SLC2A12: variants seen among roughly 807,000 people sequenced by gnomAD.
The protein encoded by SLC2A12 is solute carrier family 2, facilitated glucose transporter member 12.
Under a neutral mutation model 41.8 loss-of-function variants are expected in SLC2A12, and 23 were observed. The observed-to-expected ratio is 0.55, with a 90% CI of 0.40 to 0.78. The LOEUF (loss-of-function observed/expected upper bound fraction) is 0.78, where lower values mean the gene tolerates loss of function less well. Among genes scored for constraint, SLC2A12 ranks in the 30% least tolerant of loss-of-function variants. SLC2A12 has a pLI of 0.00. For synonymous variants in SLC2A12, 295 were observed against 285.9 expected (o/e 1.03, Z -0.32); for missense variants, 654 against 745.6 (o/e 0.88, Z 1.43).
chr6:134,051,945 G>A (rs891841753), intron 1 of SLC2A12, among the ~76,000 whole-genome samples: 5 of 152,154 alleles, frequency 3.3e-5, no homozygotes, highest in Non-Finnish European at 7.4e-5. Context: ...TGGTTACACA[G>A]TGTCCATTTG....
At chr6:134,038,968 G>A (rs1777344539) in intron 1 of SLC2A12, among the ~76,000 whole-genome samples, 1 of 152,054 alleles carries the variant, frequency 6.6e-6, no homozygotes, top group Non-Finnish European at 1.5e-5. Context: ...GCCTCCCAAA[G>A]TGCTGGGATT....
intron 1 of SLC2A12, 105 bp downstream of exon 1, chr6:134,052,273 A>ACACACACC (rs1773698846): frequency 1.2e-6 from 1 of 867,752 alleles, no homozygotes; most frequent in Admixed American, 2.3e-5. Flanking sequence ...ACACACACAC[A>ACACACACC]CACACACACA....
At chr6:134,027,814 C>A (rs1366885327) in intron 2 of SLC2A12, among the ~76,000 whole-genome samples, 10 of 152,164 alleles carry the variant, frequency 6.6e-5, no homozygotes, top group Non-Finnish European at 1.5e-4. Flanking sequence ...TGAATGATAG[C>A]AACTAGACTT....
At chr6:134,043,863 C>T (rs966022694) in intron 1 of SLC2A12, among the ~76,000 whole-genome samples, 1 of 151,320 alleles carries the variant, frequency 6.6e-6, no homozygotes, top group Admixed American at 6.6e-5. Context: ...CCCAAGAATT[C>T]CTGTTTTCAT....
At position 133,989,233 on chromosome 6, in the gene SLC2A12, G is replaced by A. The variant is rs573479215; in HGVS notation, c.*1922C>T. 3 of 152,094 alleles carry A rather than the reference G, an allele frequency of 2.0e-5. No individual in the cohort carries two copies. The highest frequency in any genetic ancestry group is 3.8e-4 in the East Asian group (2 of 5,196). 9.4% of individuals were successfully genotyped at this position (152,094 alleles called of 1,614,324 possible). On this transcript the variant is annotated 3_prime_UTR_variant, in exon 5 of 5. Transcript: ENST00000275230. ...AACTGTGAATATATATGTACAAGTT[G>A]TAAGTATTTCCCCCTTTTTATTTTT...
Position 134,028,790 on chromosome 6 carries a change from T to A in SLC2A12, c.1035A>T (p.Thr345=), listed in dbSNP as rs199609819. ...TCACAGAGGAGCCAATGCAGAGGAA[T>A]GTTTTGCTGCCGACATGGTCTACAA... The part of the protein sequence containing the change: ...TLLVDHVGSK[T]FLCIGSSVMA... The change falls in exon 2 of 5, where the codon ACA becomes ACT. Residue 345 remains threonine, a synonymous_variant. Coordinates refer to ENST00000275230, the MANE Select transcript of SLC2A12 (RefSeq NM_145176.3). The A allele has an allele frequency of 6.2e-7, 1 of 1,614,164 alleles. No homozygotes were observed. Among genetic ancestry groups the A allele is most frequent in the African/African-American group, 1.3e-5 (1 of 75,034 alleles).
chr6:134,012,510 C>G lies in SLC2A12; in HGVS notation c.1445-5576G>C, dbSNP rs182637201. On this transcript the variant is annotated intron_variant, in intron 2 of 4. Coordinates refer to ENST00000275230, the MANE Select transcript of SLC2A12 (RefSeq NM_145176.3). ...CTATTTTCTTTAATTTATAAGCCAA[C>G]AGCTAACATTTTTTCACCATAAATT... is the stretch of plus-strand genomic sequence containing the variant. Among the ~76,000 whole-genome samples the G allele has an allele frequency of 5.3e-5, 8 of 152,310 alleles. No individual in the cohort carries two copies. The East Asian group carries it at 1.3e-3, about 26-fold the overall frequency.
chr6:134,015,538 A>G (rs1310085611), intron 2 of SLC2A12, among the ~76,000 whole-genome samples: 1 of 152,224 alleles, frequency 6.6e-6, no homozygotes, highest in Non-Finnish European at 1.5e-5. Flanking sequence ...AATGTCTGAA[A>G]TTGCCTTTTC....
chr6:134,012,311 T>C (rs1270763660), intron 2 of SLC2A12, among the ~76,000 whole-genome samples: 1 of 152,142 alleles, frequency 6.6e-6, no homozygotes, highest in East Asian at 1.9e-4. Context: ...CCAACTGAAA[T>C]GATTTTTCAA....
At chr6:134,001,743 C>A in intron 4 of SLC2A12, among the ~76,000 whole-genome samples, 1 of 148,546 alleles carries the variant, frequency 6.7e-6, no homozygotes, top group Admixed American at 6.7e-5. Flanking sequence ...CAAATACATT[C>A]ACTTTGTAGT....
intron 3 of SLC2A12, among the ~76,000 whole-genome samples, chr6:134,005,896 C>T (rs374619727): frequency 2.4e-4 from 36 of 151,870 alleles, no homozygotes; most frequent in South Asian, 4.2e-4. Context: ...GAGGGCTAGG[C>T]GTGGTGGCTC....
rs1312448310 is a variant in SLC2A12, at chr6:133,987,644, G to GTATATATA, written c.*3510_*3511insTATATATA. The GTATATATA allele has an allele frequency of 3.9e-5, 5 of 128,680 alleles. No homozygotes were observed. Among genetic ancestry groups the GTATATATA allele is most frequent in the African/African-American group, 1.6e-4 (5 of 31,208 alleles). 8.0% of individuals were successfully genotyped at this position (128,680 alleles called of 1,614,324 possible). A position where few individuals can be genotyped will look rare whatever the true frequency, so the allele number is the denominator to read the frequency against. On this transcript the variant is annotated 3_prime_UTR_variant, in exon 5 of 5. Transcript: ENST00000275230. ...GTATTTTGTGTGTGTGTGTGTGTGT[G>GTATATATA]TGTGTATATATATATATATATATGC...
intron 2 of SLC2A12, among the ~76,000 whole-genome samples, chr6:134,015,403 C>T (rs1053008386): frequency 2.6e-5 from 4 of 152,060 alleles, no homozygotes; most frequent in South Asian, 2.1e-4. Flanking sequence ...GTGCAGCAAA[C>T]GACCATGGCA....
Position 133,991,093 on chromosome 6 carries a change from T to G in SLC2A12, c.*62A>C, listed in dbSNP as rs951517729. 7 of 1,537,310 alleles carry G rather than the reference T, an allele frequency of 4.6e-6. No individual in the cohort carries two copies. Among genetic ancestry groups the G allele is most frequent in the African/African-American group, 1.4e-5 (1 of 71,808 alleles). On this transcript the variant is annotated 3_prime_UTR_variant, in exon 5 of 5. Transcript: ENST00000275230. ...GAGCACAGGAGTCGCAACTATGCAT[T>G]GGTCCAAAGACACCCTCCTAAGTGT...
intron 4 of SLC2A12, among the ~76,000 whole-genome samples, chr6:133,991,597 C>T (rs979835529): frequency 1.3e-5 from 2 of 152,124 alleles, no homozygotes; most frequent in Non-Finnish European, 2.9e-5. Context: ...GTGGAGGTTT[C>T]ATCCCAGACC....
intron 4 of SLC2A12, among the ~76,000 whole-genome samples, chr6:133,998,841 A>G (rs945370713): frequency 2.6e-5 from 4 of 152,214 alleles, no homozygotes; most frequent in Non-Finnish European, 4.4e-5. Context: ...ACACCCAGCC[A>G]CAAAATGTTT....
At chr6:133,997,085 C>CA (rs58295985) in intron 4 of SLC2A12, among the ~76,000 whole-genome samples, 1,853 of 70,686 alleles carry the variant, frequency 0.026, 47 homozygotes, top group Middle Eastern at 0.045. Context: ...ACTAAAAATA[C>CA]AAAAAAAAAA....
intron 4 of SLC2A12, among the ~76,000 whole-genome samples, chr6:133,995,649 G>A (rs1005803642): frequency 3.9e-5 from 6 of 152,150 alleles, no homozygotes; most frequent in Middle Eastern, 3.2e-3. Flanking sequence ...CACTAGAATC[G>A]CATGCTTTCC....
At chr6:134,034,003 T>G (rs1777259064) in intron 1 of SLC2A12, among the ~76,000 whole-genome samples, 2 of 152,150 alleles carry the variant, frequency 1.3e-5, no homozygotes, top group Non-Finnish European at 1.5e-5. Flanking sequence ...AATGGGAATA[T>G]GTGCAAAGGG....
Sources: gnomAD v4.1 joint callset for allele counts (sites outside exome capture counted in the v4.1 genomes callset) on GRCh38, gnomAD v4.1.1 for gene constraint, MANE v1.5 for transcripts, NCBI Gene and HGNC (gene_info 2026-07-23, HGNC 2026-07-21) for gene names.